Variants in SGPP1 observed in about 807,000 individuals in gnomAD.
SGPP1 encodes hSPP1.
A neutral mutation model predicts 33.0 loss-of-function variants in SGPP1; 21 were observed. The ratio of observed to expected loss-of-function variants is 0.64; its 90% CI spans 0.45 to 0.92. The LOEUF is 0.92. Ranked by LOEUF, SGPP1 falls within the 40% of genes least tolerant of loss-of-function variation. The pLI, the probability that SGPP1 is intolerant of heterozygous loss-of-function variation, is 0.00. For synonymous variants in SGPP1, 239 were observed against 241.2 expected, an observed-to-expected ratio of 0.99 and a Z score of 0.08; for missense variants, 543 against 589.4, an observed-to-expected ratio of 0.92 and a Z score of 0.81.
Position 63,684,838 on chromosome 14 carries a change from T to C in SGPP1, c.*1267A>G, listed in dbSNP as rs1363115346. On this transcript the variant is annotated 3_prime_UTR_variant, in exon 3 of 3. Coordinates refer to ENST00000247225, the MANE Select transcript of SGPP1 (RefSeq NM_030791.4). ...TTTCCACTGTGAAAATAATAGAAAGTTGAAAAAATAATAGGATCTAAAATA... is the reference window on the plus strand; with the variant it reads ...TTTCCACTGTGAAAATAATAGAAAGCTGAAAAAATAATAGGATCTAAAATA... 2 of 152,424 alleles carry C rather than the reference T, an allele frequency of 1.3e-5. No individual in the cohort carries two copies. The highest frequency in any genetic ancestry group is 6.6e-5 in the Admixed American group (1 of 15,266). The allele number at this position is 152,424 out of a possible 1,614,324, so 9.4% of individuals were successfully genotyped here.
intron 1 of SGPP1, among the ~76,000 whole-genome samples, chr14:63,713,604 A>G (rs1027546668): frequency 2.6e-5 from 4 of 152,250 alleles, no homozygotes; most frequent in Non-Finnish European, 5.9e-5. Flanking sequence ...CCTGAAAATT[A>G]AAAACCCAAA....
intron 1 of SGPP1, among the ~76,000 whole-genome samples, chr14:63,703,044 T>G (rs1885333007): frequency 2.0e-5 from 3 of 152,256 alleles, no homozygotes; most frequent in Admixed American, 6.5e-5. Context: ...CCTCTGCTGA[T>G]GAGCGGGGCT....
At chr14:63,711,832 C>A (rs558099065) in intron 1 of SGPP1, among the ~76,000 whole-genome samples, 1 of 152,060 alleles carries the variant, frequency 6.6e-6, no homozygotes, top group Non-Finnish European at 1.5e-5. Context: ...GAGTTCCAGA[C>A]CAGCCTGGCC....
At chr14:63,719,009 T>TAC (rs1885709443) in intron 1 of SGPP1, among the ~76,000 whole-genome samples, 1 of 26,266 alleles carries the variant, frequency 3.8e-5, no homozygotes, top group Non-Finnish European at 6.3e-5. Flanking sequence ...TATATATATA[T>TAC]ATATATTTTT....
intron 2 of SGPP1, among the ~76,000 whole-genome samples, chr14:63,696,651 A>G (rs1323413237): frequency 6.6e-6 from 1 of 152,182 alleles, no homozygotes; most frequent in Non-Finnish European, 1.5e-5. Flanking sequence ...ATTAAATACA[A>G]ATAATTATAA....
At position 63,704,552 on chromosome 14, in the gene SGPP1, T is replaced by C. The variant is rs1262822016; in HGVS notation, c.685-5894A>G. ...CTTAAATATAGCAGCTAAAAACTTT[T>C]AGAAGAAATCATAGGGGCCGGGTGT... On this transcript the variant is annotated intron_variant, in intron 1 of 2. Transcript: ENST00000247225. Among the ~76,000 whole-genome samples, 4 of 152,050 alleles carry C rather than the reference T, an allele frequency of 2.6e-5. No individual in the cohort carries two copies. The East Asian group carries it at 7.7e-4, about 29-fold the overall frequency.
At position 63,684,437 on chromosome 14, in the gene SGPP1, C is replaced by T. The variant is rs1045989057; in HGVS notation, c.*1668G>A. ...AGCTCTTTTCACATTTTCCAACGTA[C>T]CAATATTTTCCTACATGCCTTGGTT... On this transcript the variant is annotated 3_prime_UTR_variant, in exon 3 of 3. Transcript: ENST00000247225. The T allele has an allele frequency of 6.6e-6, 1 of 152,086 alleles. No homozygotes were observed. The highest frequency in any genetic ancestry group is 1.5e-5 in the Non-Finnish European group (1 of 67,914). The allele number at this position is 152,086 out of a possible 1,614,324, so 9.4% of individuals were successfully genotyped here.
At chr14:63,711,528 T>G (rs918749526) in intron 1 of SGPP1, among the ~76,000 whole-genome samples, 7 of 152,168 alleles carry the variant, frequency 4.6e-5, no homozygotes, top group Admixed American at 1.3e-4. Flanking sequence ...GAAGAGTTAA[T>G]GTGTAGCTCA....
rs45627131 is a variant in SGPP1 at position 63,686,234 on chromosome 14, A to G, written c.1197T>C (p.Cys399=). The G allele has an allele frequency of 1.3e-3, 2,164 of 1,614,172 alleles. 10 individuals are homozygous for G. Among genetic ancestry groups the G allele is most frequent in the Non-Finnish European group, 1.7e-3 (2,040 of 1,180,004 alleles). Residue 399 remains cysteine, a synonymous_variant, in exon 3 of 3, where the codon TGT becomes TGC. Transcript: ENST00000247225. ...GCTGTCTTGCTTTTCGAATATCATC[A>G]CACGGTATATTGAAGATTTTGCAGG... ...PLACKIFNIP[C]DDIRKARQHM...
chr14:63,702,312 G>A (rs1375458536), intron 1 of SGPP1, among the ~76,000 whole-genome samples: 1 of 152,090 alleles, frequency 6.6e-6, no homozygotes, highest in East Asian at 1.9e-4. Context: ...ACTGGGATGA[G>A]GTGACTAAAG....
At chr14:63,714,794 T>C (rs560724375) in intron 1 of SGPP1, among the ~76,000 whole-genome samples, 29 of 151,682 alleles carry the variant, frequency 1.9e-4, no homozygotes, top group African/African-American at 7.0e-4. Context: ...AGCTGGAGTA[T>C]AGTGATGTGG....
chr14:63,726,858 T>C (rs189371069), intron 1 of SGPP1, among the ~76,000 whole-genome samples: 2 of 152,348 alleles, frequency 1.3e-5, no homozygotes, highest in East Asian at 1.9e-4. Context: ...GAAACAGTTT[T>C]AGGGAAGAAG....
chr14:63,722,992 A>G, intron 1 of SGPP1, among the ~76,000 whole-genome samples: 1 of 151,742 alleles, frequency 6.6e-6, no homozygotes, highest in East Asian at 1.9e-4. Context: ...AAAAAAAATT[A>G]ATCTAAAACC....
chr14:63,717,802 T>C lies in SGPP1; in HGVS notation c.684+9459A>G, dbSNP rs116779547. On this transcript the variant is annotated intron_variant, in intron 1 of 2. Transcript: ENST00000247225. Reference sequence around the variant, plus strand: ...CATGTTAAGGCACATCATTTTTAAATTGCTCAACACTAGAGAAAAAGAGAA... The same window carrying C: ...CATGTTAAGGCACATCATTTTTAAACTGCTCAACACTAGAGAAAAAGAGAA... 6.7e-3 allele frequency among the ~76,000 whole-genome samples: 1,018 copies of C among 152,274 alleles called. 9 individuals carry two copies. The highest frequency in any genetic ancestry group is 0.023 in the African/African-American group (971 of 41,556).
intron 1 of SGPP1, among the ~76,000 whole-genome samples, chr14:63,709,143 G>C (rs1595068173): frequency 6.6e-6 from 1 of 152,184 alleles, no homozygotes; most frequent in Non-Finnish European, 1.5e-5. Flanking sequence ...GGGAGGCCAA[G>C]GTGGGTGGAT....
At chr14:63,704,302 C>T (rs1302312871) in intron 1 of SGPP1, among the ~76,000 whole-genome samples, 1 of 152,186 alleles carries the variant, frequency 6.6e-6, no homozygotes, top group African/African-American at 2.4e-5. Context: ...CAGTGTGGTA[C>T]TGACATAAGG....
chr14:63,698,539 A>G, intron 2 of SGPP1, 30 bp downstream of exon 2: 1 of 1,225,186 alleles, frequency 8.2e-7, no homozygotes, highest in Non-Finnish European at 1.2e-6. Flanking sequence ...CATAAAAAAT[A>G]AAGTATTAAG....
intron 1 of SGPP1, 94 bp downstream of exon 1, chr14:63,727,167 G>A (rs1885898841): frequency 2.0e-6 from 3 of 1,465,112 alleles, no homozygotes; most frequent in Non-Finnish European, 9.0e-7. Flanking sequence ...AGGCTTTGGA[G>A]GGGAACGGTC....
chr14:63,716,559 G>A (rs910807967), intron 1 of SGPP1, among the ~76,000 whole-genome samples: 8 of 152,008 alleles, frequency 5.3e-5, no homozygotes, highest in Admixed American at 2.0e-4. Flanking sequence ...CAGGCATGGT[G>A]GCACACACCT....
Sources: allele counts gnomAD v4.1 joint callset (sites outside exome capture counted in the v4.1 genomes callset), GRCh38; gene constraint gnomAD v4.1.1; transcripts MANE v1.5; gene names NCBI Gene and HGNC (gene_info 2026-07-23, HGNC 2026-07-21).